TIMP2: variants seen among roughly 807,000 people sequenced by gnomAD.
The protein encoded by TIMP2 is TIMP metallopeptidase inhibitor 2.
In TIMP2, 5 loss-of-function variants were observed where a neutral mutation model predicts 24.3. The observed-to-expected ratio is 0.21, with a 90% CI of 0.11 to 0.43. The LOEUF is 0.43. TIMP2 is among the 20% of genes least tolerant of loss of function. The probability of loss-of-function intolerance (pLI) is 1.00; values close to 1 mark genes in which losing one functional copy is unlikely to be tolerated. For synonymous variants in TIMP2, 130 were observed against 123.2 expected, an observed-to-expected ratio of 1.06 and a Z score of -0.37; for missense variants, 221 against 297.5, an observed-to-expected ratio of 0.74 and a Z score of 1.89.
At position 78,891,092 on chromosome 17, in the gene TIMP2, C is replaced by T. The variant is rs1452196157; in HGVS notation, c.131-17173G>A. On this transcript the variant is annotated intron_variant, in intron 1 of 4. Transcript: ENST00000262768. This position sits in a 1 kb window ranked among gnomAD's most constrained non-coding sequence, Gnocchi z 4.5. ...CGTGCCCAGTTTGGGGGTCTCTTGTCCAGATTCAGTGCTATACAATAATGA... is the reference window on the plus strand; with the variant it reads ...CGTGCCCAGTTTGGGGGTCTCTTGTTCAGATTCAGTGCTATACAATAATGA... The T allele has an allele frequency of 1.3e-6, 2 of 1,550,784 alleles. No individual in the cohort carries two copies. The highest frequency in any genetic ancestry group is 1.7e-6 in the Non-Finnish European group (2 of 1,147,084).
At chr17:78,857,431 G>A (rs776899739) in intron 4 of TIMP2, 91 bp downstream of exon 4, 21 of 1,553,204 alleles carry the variant, frequency 1.4e-5, no homozygotes, top group African/African-American at 5.4e-5. Context: ...GGGGATTAAC[G>A]GGTCCTGGAA....
intron 1 of TIMP2, among the ~76,000 whole-genome samples, chr17:78,912,380 A>G (rs2070216835): frequency 6.8e-6 from 1 of 148,098 alleles, no homozygotes; most frequent in Non-Finnish European, 1.5e-5. Context: ...GGAAAGCTCA[A>G]TCAATCTCTC....
intron 1 of TIMP2, among the ~76,000 whole-genome samples, chr17:78,895,934 G>A (rs1234764318): frequency 2.0e-5 from 3 of 152,218 alleles, no homozygotes; most frequent in Admixed American, 6.5e-5. Flanking sequence ...CTCTGGAAGT[G>A]CCCCCAGCCC....
At chr17:78,887,088 T>G (rs2069831127) in intron 1 of TIMP2, among the ~76,000 whole-genome samples, 1 of 152,104 alleles carries the variant, frequency 6.6e-6, no homozygotes, top group South Asian at 2.1e-4. Flanking sequence ...TACTAATGAT[T>G]AAAGAACCCA....
At chr17:78,923,812 G>A (rs2070328289) in intron 1 of TIMP2, among the ~76,000 whole-genome samples, 1 of 152,208 alleles carries the variant, frequency 6.6e-6, no homozygotes, top group African/African-American at 2.4e-5. Context: ...AACCGGGGTG[G>A]GGCAAGAAGC....
At chr17:78,888,266 T>TCTCCTGCCTCAGC (rs2069843063) in intron 1 of TIMP2, among the ~76,000 whole-genome samples, 1 of 151,444 alleles carries the variant, frequency 6.6e-6, no homozygotes, top group African/African-American at 2.4e-5. Context: ...TTCAAGCAAT[T>TCTCCTGCCTCAGC]CTCCTGCCTC....
At chr17:78,880,190 T>C (rs2069767231) in intron 1 of TIMP2, among the ~76,000 whole-genome samples, 1 of 152,154 alleles carries the variant, frequency 6.6e-6, no homozygotes, top group Non-Finnish European at 1.5e-5. Flanking sequence ...ACGGCTTCTG[T>C]GGCACGGTCC....
At chr17:78,918,624 C>A (rs1362038359) in intron 1 of TIMP2, among the ~76,000 whole-genome samples, 2 of 152,188 alleles carry the variant, frequency 1.3e-5, no homozygotes, top group East Asian at 3.8e-4. Context: ...AGGTGGTCAG[C>A]CTCCACACTT....
In TIMP2 at chr17:78,920,187, C is replaced by T. The variant is rs575934359; in HGVS notation, c.130+4772G>A. Reference sequence around the variant, plus strand: ...TCAGTCTCCCAGGAGTCATCTATGCCCTGTTCTCCATGTGCTCAGATGTCG... The same window carrying T: ...TCAGTCTCCCAGGAGTCATCTATGCTCTGTTCTCCATGTGCTCAGATGTCG... On this transcript the variant is annotated intron_variant, in intron 1 of 4. Transcript: ENST00000262768. This position sits in a 1 kb window ranked among gnomAD's most constrained non-coding sequence, Gnocchi z 4.5. Among the ~76,000 whole-genome samples the T allele has an allele frequency of 2.1e-4, 32 of 152,288 alleles. No individual in the cohort carries two copies. Among genetic ancestry groups the T allele is most frequent in the African/African-American group, 7.2e-4 (30 of 41,568 alleles).
chr17:78,904,407 C>T (rs927215125), intron 1 of TIMP2: 1 of 152,010 alleles, frequency 6.6e-6, no homozygotes, highest in African/African-American at 2.4e-5. Context: ...AGAAGGTAAA[C>T]AGCAGGAATT....
chr17:78,881,110 C>T (rs1186519832), intron 1 of TIMP2, among the ~76,000 whole-genome samples: 1 of 152,216 alleles, frequency 6.6e-6, no homozygotes, highest in Non-Finnish European at 1.5e-5. Context: ...AAGTCAAAAC[C>T]CGGCCCGATC....
intron 4 of TIMP2, chr17:78,856,658 C>T (rs1382339420): frequency 1.3e-5 from 2 of 152,470 alleles, no homozygotes; most frequent in Admixed American, 1.3e-4. Context: ...GTAATCTCAC[C>T]TTCCACAGCC....
At chr17:78,895,010 G>A (rs562519433) in intron 1 of TIMP2, among the ~76,000 whole-genome samples, 120 of 152,264 alleles carry the variant, frequency 7.9e-4, no homozygotes, top group Non-Finnish European at 1.1e-3. Context: ...GACAGGTGTG[G>A]CAGCTCACAC....
At chr17:78,909,475 C>G (rs535845952) in intron 1 of TIMP2, among the ~76,000 whole-genome samples, 1 of 150,824 alleles carries the variant, frequency 6.6e-6, no homozygotes, top group African/African-American at 2.4e-5. Flanking sequence ...ACGAATGACC[C>G]CCCCACCCAG....
chr17:78,912,411 G>A (rs1293921240), intron 1 of TIMP2, among the ~76,000 whole-genome samples: 1 of 152,100 alleles, frequency 6.6e-6, no homozygotes, highest in Non-Finnish European at 1.5e-5. Flanking sequence ...ATCAGAAAGG[G>A]CCAAATAAAC....
At chr17:78,869,413 TCA>T (rs778864342) in intron 3 of TIMP2, among the ~76,000 whole-genome samples, 1 of 46,820 alleles carries the variant, frequency 2.1e-5, no homozygotes, top group Non-Finnish European at 4.2e-5. Context: ...AGACTTTGTC[TCA>T]AAAAAAAAAA....
At chr17:78,906,775 G>T (rs1009516725) in intron 1 of TIMP2, among the ~76,000 whole-genome samples, 1 of 151,880 alleles carries the variant, frequency 6.6e-6, no homozygotes, top group East Asian at 1.9e-4. Context: ...TAGAGACGGG[G>T]TTTTACCATG....
chr17:78,863,175 C>T (rs150479315), intron 3 of TIMP2, among the ~76,000 whole-genome samples: 39 of 152,314 alleles, frequency 2.6e-4, no homozygotes, highest in South Asian at 1.4e-3. Flanking sequence ...CCACCAACAG[C>T]GCATAAGCGT....
intron 1 of TIMP2, among the ~76,000 whole-genome samples, chr17:78,895,078 C>T (rs148593145): frequency 0.025 from 3,815 of 152,074 alleles, 143 homozygotes; most frequent in African/African-American, 0.087. Flanking sequence ...GTCAGGAGTT[C>T]GAAAGCAGCC....
Sources: gnomAD v4.1 joint callset for allele counts (sites outside exome capture counted in the v4.1 genomes callset) on GRCh38, gnomAD v4.1.1 for gene constraint, Gnocchi (gnomAD v3.1) non-coding constraint, MANE v1.5 for transcripts, NCBI Gene and HGNC (gene_info 2026-07-23, HGNC 2026-07-21) for gene names.